The following UTS2 variants were observed in gnomAD, a reference collection of about 807,000 sequenced individuals.
UTS2 encodes urotensin 2, also known as urotensin-2.
UTS2 carries 10 observed loss-of-function variants against 12.6 expected under a neutral mutation model. That is an observed-to-expected ratio of 0.80 (90% CI 0.49 to 1.35). The LOEUF is 1.35. Ranked by LOEUF, UTS2 falls within the 40% of genes most tolerant of loss-of-function variation. The probability of loss-of-function intolerance (pLI) is 0.00; values close to 1 mark genes in which losing one functional copy is unlikely to be tolerated. For synonymous variants in UTS2, 52 were observed against 50.0 expected (o/e 1.04, Z -0.17); for missense variants, 142 against 143.2 (o/e 0.99, Z 0.04).
At chr1:7,880,213 G>A in the UTS2 span, among the ~76,000 whole-genome samples, 3 of 152,226 alleles carry the variant, frequency 2.0e-5, no homozygotes, top group South Asian at 2.1e-4. Flanking sequence ...AGCTGTGATC[G>A]TGCCACTGCA....
rs367793101 is a variant in UTS2, at chr1:7,850,894, C to T, written c.132G>A (p.Pro44=). The change falls in exon 2 of 4, where the codon CCG becomes CCA. Residue 44 remains proline (P), a synonymous_variant. Coordinates refer to ENST00000361696, the MANE Select transcript of UTS2 (RefSeq NM_006786.4). ...SAPHEDARLT[P]EELERASLLQ... is the part of the protein sequence containing the mutation. Reference sequence around the variant, plus strand: ...GAAGGGAAGCTCTTTCTAGCTCCTCCGGAGTTAAGCGCGCGTCTTCATGAG... The same window carrying T: ...GAAGGGAAGCTCTTTCTAGCTCCTCTGGAGTTAAGCGCGCGTCTTCATGAG... 17 of 1,614,140 alleles carry T rather than the reference C, an allele frequency of 1.1e-5. No homozygotes were observed. Among genetic ancestry groups the T allele is most frequent in the African/African-American group, 2.7e-5 (2 of 75,028 alleles).
chr1:7,904,325 T>TA, the UTS2 span, among the ~76,000 whole-genome samples: 12 of 140,876 alleles, frequency 8.5e-5, no homozygotes, highest in African/African-American at 3.6e-4. Context: ...AAAAAAAAAA[T>TA]AATAAGCTGG....
At chr1:7,853,920 G>A (rs1182998508), upstream of UTS2, among the ~76,000 whole-genome samples, 1 of 152,168 alleles carries the variant, frequency 6.6e-6, no homozygotes, top group Non-Finnish European at 1.5e-5. Context: ...AACTTTCTGT[G>A]GACCTAAACA....
chr1:7,862,990 G>GTTGTGTTGTA, the UTS2 span, among the ~76,000 whole-genome samples: 1 of 41,356 alleles, frequency 2.4e-5, no homozygotes, highest in African/African-American at 8.6e-5. Flanking sequence ...ATTGTGTTGT[G>GTTGTGTTGTA]TTGTATTGTA....
the UTS2 span, among the ~76,000 whole-genome samples, chr1:7,864,553 C>T: frequency 6.6e-6 from 1 of 152,202 alleles, no homozygotes; most frequent in African/African-American, 2.4e-5. Flanking sequence ...TGTCAGCATG[C>T]TTGAAGAGAC....
chr1:7,849,009 T>C (rs1468054832), intron 3 of UTS2, among the ~76,000 whole-genome samples: 3 of 152,182 alleles, frequency 2.0e-5, no homozygotes, highest in Non-Finnish European at 2.9e-5. Flanking sequence ...CTCCCGGTGC[T>C]GCTGGCGGTG....
At chr1:7,875,092 T>C in the UTS2 span, among the ~76,000 whole-genome samples, 1 of 151,974 alleles carries the variant, frequency 6.6e-6, no homozygotes, top group Non-Finnish European at 1.5e-5. Flanking sequence ...TTTCTTTTTT[T>C]AAGACAGAGT....
chr1:7,910,123 A>T, the UTS2 span, among the ~76,000 whole-genome samples: 3 of 151,934 alleles, frequency 2.0e-5, no homozygotes, highest in Non-Finnish European at 4.4e-5. Flanking sequence ...TTTTCTCTAA[A>T]CTTCTCCTGC....
the UTS2 span, among the ~76,000 whole-genome samples, chr1:7,863,892 A>T: frequency 1.3e-5 from 2 of 152,158 alleles, no homozygotes; most frequent in Non-Finnish European, 2.9e-5. Flanking sequence ...GTCTAAGATG[A>T]CCTGGCCCGG....
chr1:7,853,247 CA>C, upstream of UTS2: 1 of 1,604,508 alleles, frequency 6.2e-7, no homozygotes, highest in South Asian at 1.1e-5. Context: ...GCCTAGTGTA[CA>C]AAGTAGGTAT....
At chr1:7,884,899 C>G in the UTS2 span, among the ~76,000 whole-genome samples, 1 of 151,112 alleles carries the variant, frequency 6.6e-6, no homozygotes, top group South Asian at 2.1e-4. Flanking sequence ...ATCCATCTGC[C>G]CATCATCCAT....
the UTS2 span, among the ~76,000 whole-genome samples, chr1:7,866,715 CA>C: frequency 6.6e-6 from 1 of 152,160 alleles, no homozygotes; most frequent in Non-Finnish European, 1.5e-5. The surrounding 1 kb of genome is among the most constrained non-coding windows in gnomAD (Gnocchi z 4.5). Context: ...GATAGAAGTT[CA>C]GGGGCAGTGT....
the UTS2 span, among the ~76,000 whole-genome samples, chr1:7,898,488 T>C: frequency 6.6e-6 from 1 of 152,028 alleles, no homozygotes; most frequent in Non-Finnish European, 1.5e-5. Context: ...TTTTTGTTTT[T>C]TTTTTGAGAC....
the UTS2 span, among the ~76,000 whole-genome samples, chr1:7,913,102 C>T: frequency 6.6e-6 from 1 of 151,094 alleles, no homozygotes; most frequent in Admixed American, 6.6e-5. Context: ...ATGCCTGCTA[C>T]GGAACTCCCA....
the UTS2 span, among the ~76,000 whole-genome samples, chr1:7,902,871 G>A: frequency 0.011 from 1,736 of 152,228 alleles, 36 homozygotes; most frequent in African/African-American, 0.039. Context: ...GAGAATGCGG[G>A]GTTCCTTCCG....
At chr1:7,897,329 A>G in the UTS2 span, among the ~76,000 whole-genome samples, 5 of 152,152 alleles carry the variant, frequency 3.3e-5, no homozygotes, top group African/African-American at 9.7e-5. Flanking sequence ...CTGGTAGGGA[A>G]AGTCCCTGTA....
chr1:7,894,259 T>G, the UTS2 span, among the ~76,000 whole-genome samples: 1 of 152,074 alleles, frequency 6.6e-6, no homozygotes, highest in Non-Finnish European at 1.5e-5. Flanking sequence ...CATAGCTCAC[T>G]GCAGCCTCAA....
the UTS2 span, among the ~76,000 whole-genome samples, chr1:7,869,628 A>G: frequency 6.6e-3 from 1,001 of 152,304 alleles, 11 homozygotes; most frequent in African/African-American, 0.022. Context: ...GGTGACCTAG[A>G]AGGCTGCTGC....
At chr1:7,855,865 G>GT (rs35981603), upstream of UTS2, among the ~76,000 whole-genome samples, 8,314 of 144,786 alleles carry the variant, frequency 0.057, 770 homozygotes, top group East Asian at 0.38. Context: ...CGCTCAGCTA[G>GT]TTTTTTTTTT....
Sources: gnomAD v4.1 joint callset for allele counts (sites outside exome capture counted in the v4.1 genomes callset) on GRCh38, gnomAD v4.1.1 for gene constraint, Gnocchi (gnomAD v3.1) non-coding constraint, MANE v1.5 for transcripts, NCBI Gene and HGNC (gene_info 2026-07-23, HGNC 2026-07-21) for gene names.